The following ZBTB40 variants were observed in gnomAD, a reference collection of about 807,000 sequenced individuals.
ZBTB40 encodes zinc finger and BTB domain containing 40, also known as zinc finger and BTB domain-containing protein 40.
A neutral mutation model predicts 117.5 loss-of-function variants in ZBTB40; 60 were observed. The ratio of observed to expected loss-of-function variants is 0.51; its 90% CI spans 0.41 to 0.63. The LOEUF (loss-of-function observed/expected upper bound fraction) is 0.63. ZBTB40 is among the 30% of genes least tolerant of loss of function. The pLI is 0.00. For synonymous variants in ZBTB40, 525 were observed against 577.1 expected, an observed-to-expected ratio of 0.91 and a Z score of 1.29; for missense variants, 1,287 against 1,498.5, an observed-to-expected ratio of 0.86 and a Z score of 2.33.
At chr1:22,466,280 A>G (rs1301616033) in intron 1 of ZBTB40, among the ~76,000 whole-genome samples, 1 of 152,216 alleles carries the variant, frequency 6.6e-6, no homozygotes, top group Non-Finnish European at 1.5e-5. Flanking sequence ...TTGTCCATTC[A>G]TAAGTTGATG....
intron 1 of ZBTB40, among the ~76,000 whole-genome samples, chr1:22,476,078 G>A (rs570571062): frequency 6.6e-6 from 1 of 152,294 alleles, no homozygotes; most frequent in Non-Finnish European, 1.5e-5. Flanking sequence ...ATTGATTTAA[G>A]CAACGTAGAT....
intron 1 of ZBTB40, among the ~76,000 whole-genome samples, chr1:22,443,119 C>T (rs927385951): frequency 3.9e-5 from 6 of 152,142 alleles, no homozygotes; most frequent in East Asian, 1.9e-4. Flanking sequence ...CGTTCTCTCT[C>T]GAACAAAGTC....
chr1:22,482,827 C>T (rs1029444795), intron 1 of ZBTB40, among the ~76,000 whole-genome samples: 4 of 152,068 alleles, frequency 2.6e-5, no homozygotes, highest in African/African-American at 9.7e-5. Flanking sequence ...ATCTGTAATC[C>T]CAGCACTTTG....
intron 1 of ZBTB40, among the ~76,000 whole-genome samples, chr1:22,472,186 T>C (rs986775911): frequency 2.8e-5 from 4 of 144,056 alleles, no homozygotes; most frequent in Non-Finnish European, 4.6e-5. Flanking sequence ...ACTGAGCTGC[T>C]TTTTTTTTTT....
intron 1 of ZBTB40, among the ~76,000 whole-genome samples, chr1:22,441,927 A>C (rs1028650005): frequency 3.3e-5 from 5 of 152,030 alleles, no homozygotes; most frequent in African/African-American, 1.2e-4. Flanking sequence ...CCTCTTAACA[A>C]CTGCTTTTTC....
intron 1 of ZBTB40, among the ~76,000 whole-genome samples, 163 bp downstream of exon 1, chr1:22,452,167 T>G (rs1017885523): frequency 9.9e-5 from 15 of 151,936 alleles, no homozygotes; most frequent in Non-Finnish European, 1.9e-4. Context: ...ACGTGCCCCC[T>G]CCAGGGGCGG....
At chr1:22,437,434 T>A (rs1351347203) in intron 1 of ZBTB40, among the ~76,000 whole-genome samples, 1 of 151,740 alleles carries the variant, frequency 6.6e-6, no homozygotes, top group Non-Finnish European at 1.5e-5. Flanking sequence ...CTTTTTTTTT[T>A]TTTTGAGATG....
intron 1 of ZBTB40, among the ~76,000 whole-genome samples, chr1:22,440,617 T>C (rs568114483): frequency 6.6e-6 from 1 of 152,360 alleles, no homozygotes; most frequent in South Asian, 2.1e-4. Context: ...ATTTTTTATA[T>C]ATGGCTTTTA....
chr1:22,488,842 A>C (rs1638545640), intron 1 of ZBTB40, among the ~76,000 whole-genome samples: 1 of 152,146 alleles, frequency 6.6e-6, no homozygotes, highest in Non-Finnish European at 1.5e-5. Flanking sequence ...CATGGAGGCT[A>C]ATTAGGAGGT....
rs138035850 is a variant in ZBTB40, at chr1:22,477,659, A to G, written c.-69-12221A>G. 9.1e-3 allele frequency among the ~76,000 whole-genome samples: 1,387 copies of G among 152,054 alleles called. 10 individuals carry two copies. Among genetic ancestry groups the G allele is most frequent in the Non-Finnish European group, 0.015 (1,007 of 67,978 alleles). ...GCGAGACTCTGTCTCAAAAAAAAAA[A>G]AAAAGAAAAGAAAAGAAAGAAAGCT... On this transcript the variant is annotated intron_variant, in intron 1 of 17. Coordinates refer to ENST00000375647, the MANE Select transcript of ZBTB40 (RefSeq NM_014870.4).
intron 3 of ZBTB40, among the ~76,000 whole-genome samples, chr1:22,493,843 A>G (rs1638701626): frequency 6.9e-6 from 1 of 144,884 alleles, no homozygotes; most frequent in Admixed American, 7.0e-5. Context: ...CTACAGAGGT[A>G]CGCCCCTAGT....
At chr1:22,469,017 T>A (rs1641335889) in intron 1 of ZBTB40, among the ~76,000 whole-genome samples, 1 of 151,894 alleles carries the variant, frequency 6.6e-6, no homozygotes, top group Non-Finnish European at 1.5e-5. Context: ...TTTTTAGAGA[T>A]GGAGTGTCAC....
rs779462650 is a variant in ZBTB40, at chr1:22,524,441, G to A, written c.3522G>A (p.Ala1174=). 3.3e-5 allele frequency: 53 copies of A among 1,613,118 alleles called. No individual in the cohort carries two copies. In the African/African-American group the frequency reaches 3.9e-4, roughly 12 times the overall value. Residue 1174 remains alanine, a synonymous_variant, in exon 17 of 18, where the codon GCG becomes GCA. Transcript: ENST00000375647. ...TETQAAASQM[A]QVIQTPEPVA... is the part of the protein sequence containing the mutation. ...CCCAGGCCGCAGCCTCACAGATGGC[G>A]CAGGTGATTCTGGGGCCATCAGCTA... is the stretch of plus-strand genomic sequence containing the variant.
intron 3 of ZBTB40, among the ~76,000 whole-genome samples, chr1:22,492,862 C>T (rs1049008150): frequency 4.6e-5 from 7 of 152,166 alleles, no homozygotes; most frequent in South Asian, 2.1e-4. Context: ...TTTGCACTTG[C>T]GTGTTCTCTT....
At chr1:22,482,455 C>A (rs1166362676) in intron 1 of ZBTB40, among the ~76,000 whole-genome samples, 1 of 152,198 alleles carries the variant, frequency 6.6e-6, no homozygotes, top group Admixed American at 6.5e-5. Context: ...CATATTGGTA[C>A]ATTTCTTATA....
In ZBTB40 at chr1:22,489,823, A is replaced by G. The variant is rs941415887; in HGVS notation, c.-69-57A>G. 128 of 867,010 alleles carry G rather than the reference A, an allele frequency of 1.5e-4. No homozygotes were observed. The highest frequency in any genetic ancestry group is 2.9e-5 in the Non-Finnish European group (15 of 521,762). 53.7% of individuals were successfully genotyped at this position (867,010 alleles called of 1,614,324 possible). ...TTCTGTTCATTTAGCGTTTCATTCA[A>G]GGCCTTTCCCTATGGTTTTTTGAAG... On this transcript the variant is annotated intron_variant, in intron 1 of 17. Coordinates refer to ENST00000375647, the MANE Select transcript of ZBTB40 (RefSeq NM_014870.4).
rs1344655185 is a variant in ZBTB40 at position 22,529,178 on chromosome 1, G to A, written c.*2782G>A. ...TCTCCTACTTCTGCCCAAGAGACCTGAATTGCTGCCATAGAGGACAGTGTT... is the reference window on the plus strand; with the variant it reads ...TCTCCTACTTCTGCCCAAGAGACCTAAATTGCTGCCATAGAGGACAGTGTT... On this transcript the variant is annotated 3_prime_UTR_variant, in exon 18 of 18. Coordinates refer to ENST00000375647, the MANE Select transcript of ZBTB40 (RefSeq NM_014870.4). 6.6e-6 allele frequency: 1 copy of A among 152,296 alleles called. No homozygotes were observed. The highest frequency in any genetic ancestry group is 1.5e-5 in the Non-Finnish European group (1 of 68,058). The allele number at this position is 152,296 out of a possible 1,614,324, so 9.4% of individuals were successfully genotyped here. A position where few individuals can be genotyped will look rare whatever the true frequency, so the allele number is the denominator to read the frequency against.
At chr1:22,460,083 C>T (rs1426898056) in intron 1 of ZBTB40, among the ~76,000 whole-genome samples, 5 of 152,162 alleles carry the variant, frequency 3.3e-5, no homozygotes, top group Admixed American at 3.3e-4. Flanking sequence ...TAAAGCTCAT[C>T]CTATTATATT....
intron 9 of ZBTB40, among the ~76,000 whole-genome samples, chr1:22,510,056 C>T (rs957374589): frequency 1.3e-5 from 2 of 152,232 alleles, no homozygotes; most frequent in African/African-American, 2.4e-5. Context: ...AGTGCCAGCT[C>T]ATTTTCTGTA....
Sources: gnomAD v4.1 joint callset for allele counts (sites outside exome capture counted in the v4.1 genomes callset) on GRCh38, gnomAD v4.1.1 for gene constraint, MANE v1.5 for transcripts, NCBI Gene and HGNC (gene_info 2026-07-23, HGNC 2026-07-21) for gene names.